Variants in CACNA2D1 observed in about 807,000 individuals in gnomAD.
The protein encoded by CACNA2D1 is voltage-dependent calcium channel subunit alpha-2/delta-1.
A neutral mutation model predicts 171.5 loss-of-function variants in CACNA2D1; 53 were observed. The observed-to-expected ratio is 0.31, with a 90% CI of 0.25 to 0.39. The LOEUF is 0.39. CACNA2D1 is among the 10% of genes least tolerant of loss of function. The pLI is 1.00. For synonymous variants in CACNA2D1, 442 were observed against 443.1 expected, an observed-to-expected ratio of 1.00 and a Z score of 0.03; for missense variants, 903 against 1,299.8, an observed-to-expected ratio of 0.69 and a Z score of 4.69.
chr7:81,953,487 C>A (rs977508782), intron 38 of CACNA2D1, among the ~76,000 whole-genome samples: 6 of 151,848 alleles, frequency 4.0e-5, no homozygotes, highest in Non-Finnish European at 8.8e-5. Context: ...TCTTTTTGTT[C>A]AGATGCTTTT....
chr7:82,395,224 A>G (rs1046584245), intron 1 of CACNA2D1, among the ~76,000 whole-genome samples: 1 of 151,968 alleles, frequency 6.6e-6, no homozygotes, highest in Non-Finnish European at 1.5e-5. Context: ...AAAAACTCCA[A>G]CTCTGATGGA....
At chr7:82,349,511 G>C in intron 2 of CACNA2D1, 57 bp downstream of exon 2, 1 of 1,293,468 alleles carries the variant, frequency 7.7e-7, no homozygotes, top group East Asian at 2.3e-5. Flanking sequence ...CTAGAAGATA[G>C]AACTGCATTC....
At chr7:82,061,840 C>T (rs1806966833) in intron 9 of CACNA2D1, among the ~76,000 whole-genome samples, 1 of 152,068 alleles carries the variant, frequency 6.6e-6, no homozygotes, top group African/African-American at 2.4e-5. Flanking sequence ...TGTGCTGAGC[C>T]CACTTTTGGG....
chr7:82,435,030 CTTTTT>C (rs764179836), intron 1 of CACNA2D1, among the ~76,000 whole-genome samples: 1 of 84,344 alleles, frequency 1.2e-5, no homozygotes, highest in Non-Finnish European at 2.2e-5. Flanking sequence ...TCTTCAGATA[CTTTTT>C]TTTTTTTTTT....
intron 4 of CACNA2D1, among the ~76,000 whole-genome samples, chr7:82,169,402 A>G (rs556155347): frequency 1.7e-4 from 25 of 149,700 alleles, no homozygotes; most frequent in Admixed American, 1.6e-3. Flanking sequence ...AGAATCAAAC[A>G]AACTGGCAGT....
intron 4 of CACNA2D1, among the ~76,000 whole-genome samples, chr7:82,148,631 G>A (rs758501932): frequency 1.3e-5 from 2 of 152,056 alleles, no homozygotes; most frequent in Admixed American, 6.6e-5. Context: ...GTCAAAATTG[G>A]ACAACCTTGT....
intron 3 of CACNA2D1, among the ~76,000 whole-genome samples, chr7:82,306,532 T>C (rs1813756075): frequency 6.6e-6 from 1 of 152,164 alleles, no homozygotes; most frequent in African/African-American, 2.4e-5. Flanking sequence ...TTGTCACAGA[T>C]TAATGGGTTA....
At chr7:82,221,427 G>A (rs189880745) in intron 3 of CACNA2D1, among the ~76,000 whole-genome samples, 11 of 152,170 alleles carry the variant, frequency 7.2e-5, no homozygotes, top group African/African-American at 1.9e-4. Context: ...CTCTAATTCC[G>A]ATTGAGCTAT....
chr7:82,399,611 G>A (rs1268731468), intron 1 of CACNA2D1, among the ~76,000 whole-genome samples: 1 of 151,994 alleles, frequency 6.6e-6, no homozygotes, highest in Non-Finnish European at 1.5e-5. Context: ...GGCGAATCTT[G>A]TATTTACAGT....
chr7:82,366,284 G>A (rs1821697661), intron 1 of CACNA2D1, among the ~76,000 whole-genome samples: 1 of 152,166 alleles, frequency 6.6e-6, no homozygotes, highest in Non-Finnish European at 1.5e-5. Context: ...CGTATATTGT[G>A]TAATGCTGAA....
intron 12 of CACNA2D1, among the ~76,000 whole-genome samples, chr7:82,022,601 T>C (rs919923311): frequency 1.6e-4 from 25 of 151,902 alleles, no homozygotes; most frequent in African/African-American, 5.6e-4. Flanking sequence ...TGGATTATTT[T>C]CCTTACTATC....
At chr7:82,014,586 G>T in intron 12 of CACNA2D1, 107 bp from the exon 13 acceptor site, 2 of 702,660 alleles carry the variant, frequency 2.8e-6, no homozygotes, top group Non-Finnish European at 5.1e-6. Flanking sequence ...CCAGTTGAAT[G>T]ATATGACAAG....
intron 1 of CACNA2D1, among the ~76,000 whole-genome samples, chr7:82,357,573 A>G (rs994325218): frequency 6.6e-6 from 1 of 152,128 alleles, no homozygotes; most frequent in Non-Finnish European, 1.5e-5. Context: ...GTGTGTAAAC[A>G]GATTTGTAAG....
At chr7:81,994,811 A>T in intron 20 of CACNA2D1, 57 bp downstream of exon 20, 1 of 847,846 alleles carries the variant, frequency 1.2e-6, no homozygotes, top group Non-Finnish European at 2.0e-6. Context: ...CAAGTTACCA[A>T]TATCAATTAT....
chr7:82,022,343 A>G (rs1369593554), intron 12 of CACNA2D1, among the ~76,000 whole-genome samples: 6 of 151,936 alleles, frequency 3.9e-5, no homozygotes, highest in Non-Finnish European at 4.4e-5. Flanking sequence ...CAGTAACTCC[A>G]GAATAAATAC....
intron 3 of CACNA2D1, among the ~76,000 whole-genome samples, chr7:82,204,175 T>C (rs905217372): frequency 2.6e-5 from 4 of 152,158 alleles, no homozygotes; most frequent in African/African-American, 7.2e-5. Context: ...ATTGACACCA[T>C]ATGGTTTGAT....
At chr7:82,135,671 C>A (rs1791522901) in intron 5 of CACNA2D1, among the ~76,000 whole-genome samples, 1 of 151,974 alleles carries the variant, frequency 6.6e-6, no homozygotes, top group Admixed American at 6.6e-5. Context: ...TATGTGTTTT[C>A]TCATTTTTTA....
At chr7:82,145,159 C>T (rs1341695837) in intron 4 of CACNA2D1, among the ~76,000 whole-genome samples, 1 of 149,758 alleles carries the variant, frequency 6.7e-6, no homozygotes, top group Non-Finnish European at 1.5e-5. Context: ...AATACTTATA[C>T]CTCCTGTGTA....
At chr7:81,982,659 T>A in intron 23 of CACNA2D1, 32 bp from the exon 24 acceptor site, 1 of 1,258,520 alleles carries the variant, frequency 7.9e-7, no homozygotes, top group Non-Finnish European at 1.2e-6. Flanking sequence ...ATTAGATAGG[T>A]AATTCAGAGT....
Sources: gnomAD v4.1 joint callset for allele counts (sites outside exome capture counted in the v4.1 genomes callset) on GRCh38, gnomAD v4.1.1 for gene constraint, MANE v1.5 for transcripts, NCBI Gene and HGNC (gene_info 2026-07-23, HGNC 2026-07-21) for gene names.